The following KIF3C variants were observed in gnomAD, a reference collection of about 807,000 sequenced individuals.
KIF3C encodes kinesin-like protein KIF3C.
A neutral mutation model predicts 67.7 loss-of-function variants in KIF3C; 12 were observed. The observed-to-expected ratio is 0.18, with a 90% CI of 0.11 to 0.29. KIF3C has a LOEUF of 0.29. KIF3C is among the 10% of genes least tolerant of loss of function. KIF3C has a pLI of 1.00. For missense variants in KIF3C, 789 were observed against 1,059.6 expected, an observed-to-expected ratio of 0.74 and a Z score of 3.55; for synonymous variants, 393 against 426.2, an observed-to-expected ratio of 0.92 and a Z score of 0.96.
intron 1 of KIF3C, among the ~76,000 whole-genome samples, chr2:25,965,398 T>C (rs563454197): frequency 1.8e-4 from 27 of 152,136 alleles, no homozygotes; most frequent in Non-Finnish European, 3.8e-4. Flanking sequence ...AATAGATTTT[T>C]TTCCTTTACT....
Position 25,980,755 on chromosome 2 carries a change from G to A in KIF3C, c.1163C>T (p.Ala388Val), listed in dbSNP as rs199756549. ...TLLREFQEEIARLKAQLEKRG... is the reference protein window; with the variant it reads ...TLLREFQEEIVRLKAQLEKRG... Reference sequence around the variant, plus strand: ...CTTCTCCAGCTGGGCCTTCAGGCGGGCAATCTCCTCTTGGAATTCCCGCAG... The same window carrying A: ...CTTCTCCAGCTGGGCCTTCAGGCGGACAATCTCCTCTTGGAATTCCCGCAG... The change falls in exon 1 of 8, where the codon GCC (alanine) becomes GTC (valine). Residue 388 changes from alanine to valine, a missense_variant. This residue lies in a region of KIF3C where 648 missense variants were observed against 807.8 expected (regional missense o/e 0.80). Coordinates refer to ENST00000264712, the MANE Select transcript of KIF3C (RefSeq NM_002254.8). This position sits in a 1 kb window ranked among gnomAD's most constrained non-coding sequence, Gnocchi z 7.6. The A allele has an allele frequency of 3.1e-6, 5 of 1,614,140 alleles. No homozygotes were observed. The highest frequency in any genetic ancestry group is 3.4e-6 in the Non-Finnish European group (4 of 1,179,986).
At chr2:25,932,087 C>T (rs1293737983) in intron 5 of KIF3C, among the ~76,000 whole-genome samples, 3 of 150,774 alleles carry the variant, frequency 2.0e-5, no homozygotes, top group Non-Finnish European at 3.0e-5. Flanking sequence ...CTGCAACTTC[C>T]GACCCCCTGG....
At chr2:25,979,863 C>T (rs1247747133) in intron 1 of KIF3C, among the ~76,000 whole-genome samples, 2 of 152,206 alleles carry the variant, frequency 1.3e-5, no homozygotes, top group South Asian at 4.1e-4. Context: ...GATTTCAGAA[C>T]TGTGACCCTG....
At chr2:25,929,921 C>G in intron 6 of KIF3C, 34 bp downstream of exon 6, 1 of 1,482,162 alleles carries the variant, frequency 6.7e-7, no homozygotes, top group Non-Finnish European at 9.4e-7. Context: ...CGGCCTCCCT[C>G]CCGTAGGCTC....
At chr2:25,929,905 C>T (rs942873683) in intron 6 of KIF3C, 50 bp downstream of exon 6, 4 of 1,333,024 alleles carry the variant, frequency 3.0e-6, no homozygotes, top group Non-Finnish European at 4.3e-6. Flanking sequence ...TGTGAGACAC[C>T]TCGCCCGGCC....
At chr2:25,947,937 G>A (rs950911984) in intron 5 of KIF3C, among the ~76,000 whole-genome samples, 4 of 152,228 alleles carry the variant, frequency 2.6e-5, no homozygotes, top group African/African-American at 9.6e-5. Context: ...CCAGGCTAGA[G>A]TACAGTGGCA....
intron 5 of KIF3C, among the ~76,000 whole-genome samples, chr2:25,936,367 G>A (rs1480320231): frequency 6.6e-6 from 1 of 152,110 alleles, no homozygotes; most frequent in East Asian, 1.9e-4. Flanking sequence ...GTGTGTGTGT[G>A]TCTGCTTAGG....
At chr2:25,929,552 G>A in intron 6 of KIF3C, 75 bp from the exon 7 acceptor site, 2 of 1,320,084 alleles carry the variant, frequency 1.5e-6, no homozygotes, top group South Asian at 2.4e-5. Context: ...CCAGTCTTGG[G>A]TGTAGCAGGG....
At position 25,929,966 on chromosome 2, in the gene KIF3C, G is replaced by C; in HGVS notation, c.2104C>G (p.Pro702Ala). The C allele has an allele frequency of 6.2e-7, 1 of 1,611,880 alleles. No homozygotes were observed. Among genetic ancestry groups the C allele is most frequent in the African/African-American group, 1.3e-5 (1 of 74,976 alleles). ...TCTCCGCTTCTTACCCTGTACCTGGGGTGGGACCCCATTGCCATGGCAACC... is the reference window on the plus strand; with the variant it reads ...TCTCCGCTTCTTACCCTGTACCTGGCGTGGGACCCCATTGCCATGGCAACC... ...ARVAMAMGSH[P>A]RYRAENIMFL... The change falls in exon 6 of 8, where the codon CCC (proline) becomes GCC (alanine). Residue 702 changes from proline to alanine, a missense_variant. Pro to Ala is a conservative substitution (Grantham distance 27). This residue lies in a region of KIF3C where 648 missense variants were observed against 807.8 expected (regional missense o/e 0.80). Coordinates refer to ENST00000264712, the MANE Select transcript of KIF3C (RefSeq NM_002254.8).
chr2:25,934,214 G>GAA (rs1328327750), intron 5 of KIF3C: 1 of 468,620 alleles, frequency 2.1e-6, no homozygotes. Context: ...TAGGTCTGGG[G>GAA]AAAGGGGTTT....
chr2:25,933,866 C>T (rs1261923193), intron 5 of KIF3C, among the ~76,000 whole-genome samples: 5 of 151,980 alleles, frequency 3.3e-5, no homozygotes, highest in African/African-American at 1.2e-4. Context: ...CACTACTAGG[C>T]ATATACTCAA....
At position 25,955,198 on chromosome 2, in the gene KIF3C, T is replaced by C. The variant is rs1382313731; in HGVS notation, c.1770+343A>G. 1.3e-5 allele frequency among the ~76,000 whole-genome samples: 2 copies of C among 152,094 alleles called. No homozygotes were observed. The highest frequency in any genetic ancestry group is 4.8e-5 in the African/African-American group (2 of 41,416). On this transcript the variant is annotated intron_variant, in intron 3 of 7. Coordinates refer to ENST00000264712, the MANE Select transcript of KIF3C (RefSeq NM_002254.8). The surrounding 1 kb of genome is among the most constrained non-coding windows in gnomAD (Gnocchi z 5.0). The stretch of plus-strand genomic sequence containing the variant: ...TCCAGTCTCCTCCTCAGCCTCTCTG[T>C]ATTCCCCTGGCCCTGCTCCAGGCCC...
At chr2:25,964,999 G>A (rs1007099284) in intron 1 of KIF3C, among the ~76,000 whole-genome samples, 5 of 152,124 alleles carry the variant, frequency 3.3e-5, no homozygotes, top group Admixed American at 2.0e-4. Context: ...TCTCTCCTGC[G>A]GGCTGGGCCC....
chr2:25,945,180 G>A (rs1663398460), intron 5 of KIF3C, among the ~76,000 whole-genome samples: 1 of 151,954 alleles, frequency 6.6e-6, no homozygotes, highest in Non-Finnish European at 1.5e-5. Context: ...TATTCATTTA[G>A]AAGAGTTGCC....
chr2:25,967,955 A>G (rs1272014660), intron 1 of KIF3C, among the ~76,000 whole-genome samples: 2 of 152,194 alleles, frequency 1.3e-5, no homozygotes, highest in East Asian at 3.8e-4. Context: ...TCGGTATCTC[A>G]TTGGTATTTT....
intron 5 of KIF3C, among the ~76,000 whole-genome samples, chr2:25,935,552 G>T (rs1663073761): frequency 6.6e-6 from 1 of 152,002 alleles, no homozygotes; most frequent in African/African-American, 2.4e-5. Flanking sequence ...TTTTTTGACA[G>T]GGTCTCACTC....
chr2:25,961,624 C>A (rs924380194), intron 1 of KIF3C, among the ~76,000 whole-genome samples: 1 of 152,202 alleles, frequency 6.6e-6, no homozygotes, highest in Non-Finnish European at 1.5e-5. Flanking sequence ...GAATATGCTG[C>A]CACAGCTAAA....
At chr2:25,966,112 CTT>C (rs1182845191) in intron 1 of KIF3C, among the ~76,000 whole-genome samples, 2 of 145,234 alleles carry the variant, frequency 1.4e-5, no homozygotes, top group African/African-American at 2.5e-5. Flanking sequence ...TCTAGATGCT[CTT>C]TTTTTTTTTT....
At chr2:25,947,406 C>T (rs779957006) in intron 5 of KIF3C, among the ~76,000 whole-genome samples, 17 of 151,816 alleles carry the variant, frequency 1.1e-4, no homozygotes, top group Admixed American at 2.0e-4. Context: ...ATGGTGAAAC[C>T]CTGTCTTTAC....
Sources: allele counts gnomAD v4.1 joint callset (sites outside exome capture counted in the v4.1 genomes callset), GRCh38; gene constraint gnomAD v4.1.1; regional missense constraint gnomAD v4.1.1; non-coding constraint Gnocchi (gnomAD v3.1); transcripts MANE v1.5; gene names NCBI Gene and HGNC (gene_info 2026-07-23, HGNC 2026-07-21).